Variants in MAPK10 observed in about 807,000 individuals in gnomAD.
MAPK10 encodes JNK3 alpha protein kinase.
In MAPK10, 25 loss-of-function variants were observed where a neutral mutation model predicts 59.3. That is an observed-to-expected ratio of 0.42 (90% CI 0.31 to 0.59). MAPK10 has a LOEUF of 0.59. MAPK10 is among the 20% of genes least tolerant of loss of function. The pLI, the probability that MAPK10 is intolerant of heterozygous loss-of-function variation, is 0.15. For missense variants in MAPK10, 351 were observed against 568.9 expected, an observed-to-expected ratio of 0.62 and a Z score of 3.90; for synonymous variants, 190 against 200.5, an observed-to-expected ratio of 0.95 and a Z score of 0.44.
chr4:86,076,762 A>T (rs182227013), intron 9 of MAPK10, among the ~76,000 whole-genome samples: 2 of 152,320 alleles, frequency 1.3e-5, no homozygotes, highest in East Asian at 3.9e-4. Flanking sequence ...TACATAAAAT[A>T]TTAACTAGAT....
intron 1 of MAPK10, among the ~76,000 whole-genome samples, chr4:86,580,084 A>C (rs1179704701): frequency 6.6e-6 from 1 of 152,150 alleles, no homozygotes; most frequent in Non-Finnish European, 1.5e-5. Context: ...TGGGATTACC[A>C]GTGTGAGACA....
intron 1 of MAPK10, among the ~76,000 whole-genome samples, chr4:86,592,745 T>A (rs529359134): frequency 4.6e-5 from 7 of 152,342 alleles, no homozygotes; most frequent in African/African-American, 1.7e-4. Context: ...CTGTTTAGTT[T>A]TTGTTGTTCC....
intron 1 of MAPK10, among the ~76,000 whole-genome samples, chr4:86,428,450 T>C (rs761347931): frequency 3.9e-5 from 6 of 152,226 alleles, no homozygotes; most frequent in Non-Finnish European, 7.3e-5. Flanking sequence ...TGAGCCATCA[T>C]ACCTGGCCGT....
Position 86,055,139 on chromosome 4 carries a change from A to G in MAPK10, c.1110+9127T>C, listed in dbSNP as rs3775176. On this transcript the variant is annotated intron_variant, in intron 11 of 13. Coordinates refer to ENST00000641462, the MANE Select transcript of MAPK10 (RefSeq NM_138982.4). Reference sequence around the variant, plus strand: ...ACACAGATTATAGACCAAACTGGTGATGGGCACTTGGGAAATACTTGGACT... The same window carrying G: ...ACACAGATTATAGACCAAACTGGTGGTGGGCACTTGGGAAATACTTGGACT... 6.3e-3 allele frequency among the ~76,000 whole-genome samples: 964 copies of G among 152,326 alleles called. 32 individuals are homozygous for G. The East Asian group carries it at 0.1, about 16-fold the overall frequency.
intron 1 of MAPK10, among the ~76,000 whole-genome samples, chr4:86,413,884 A>G (rs1745520708): frequency 6.6e-6 from 1 of 152,136 alleles, no homozygotes; most frequent in African/African-American, 2.4e-5. Context: ...AGGTGAGGCA[A>G]TGCCCTGCCC....
rs1229143225 is a variant in MAPK10 at position 86,439,792 on chromosome 4, T to A, written c.-122+13238A>T. Among the ~76,000 whole-genome samples the A allele has an allele frequency of 3.9e-5, 6 of 152,190 alleles. No homozygotes were observed. The East Asian group carries it at 1.2e-3, about 29-fold the overall frequency. Reference sequence around the variant, plus strand: ...TTTGTTTGTTTCTTGTTTTTTGTTTTAGCCAATCCAATAGGTGTCTAGTAC... The same window carrying A: ...TTTGTTTGTTTCTTGTTTTTTGTTTAAGCCAATCCAATAGGTGTCTAGTAC... On this transcript the variant is annotated intron_variant, in intron 1 of 13. Transcript: ENST00000361569.
intron 2 of MAPK10, among the ~76,000 whole-genome samples, chr4:86,341,385 T>A (rs890357899): frequency 6.6e-6 from 1 of 152,150 alleles, no homozygotes; most frequent in Non-Finnish European, 1.5e-5. Context: ...TTAAGAGACA[T>A]GATCAATAGC....
At chr4:86,242,527 TC>T (rs1461483287) in intron 2 of MAPK10, among the ~76,000 whole-genome samples, 1 of 152,116 alleles carries the variant, frequency 6.6e-6, no homozygotes, top group African/African-American at 2.4e-5. Context: ...CCAAATTCTG[TC>T]CCTGAGCCTC....
chr4:86,208,883 G>A (rs2084967543), intron 2 of MAPK10, among the ~76,000 whole-genome samples: 1 of 151,982 alleles, frequency 6.6e-6, no homozygotes, highest in Non-Finnish European at 1.5e-5. Context: ...AAGAATTTCT[G>A]GTGACAAATC....
chr4:86,177,074 A>C (rs2075854281), intron 3 of MAPK10, among the ~76,000 whole-genome samples: 1 of 152,094 alleles, frequency 6.6e-6, no homozygotes. Flanking sequence ...TACATGAAAA[A>C]CTAAAATAGT....
intron 2 of MAPK10, among the ~76,000 whole-genome samples, chr4:86,197,822 C>A (rs932065807): frequency 6.6e-6 from 1 of 151,988 alleles, no homozygotes; most frequent in Admixed American, 6.6e-5. Flanking sequence ...TGCCTAGCGC[C>A]GGCAAGGGAA....
chr4:86,550,968 G>T (rs1759729622), intron 1 of MAPK10, among the ~76,000 whole-genome samples: 1 of 152,156 alleles, frequency 6.6e-6, no homozygotes, highest in Non-Finnish European at 1.5e-5. Flanking sequence ...TACATCACTT[G>T]GGCACACATT....
chr4:86,296,175 CAAAAA>C (rs34854999), intron 2 of MAPK10, among the ~76,000 whole-genome samples: 3 of 116,270 alleles, frequency 2.6e-5, no homozygotes, highest in Non-Finnish European at 5.5e-5. Flanking sequence ...GACTTGGTCT[CAAAAA>C]AAAAAAAAAA....
At chr4:86,496,064 T>A (rs1287033876) in intron 1 of MAPK10, among the ~76,000 whole-genome samples, 18 of 152,130 alleles carry the variant, frequency 1.2e-4, no homozygotes, top group Admixed American at 1.2e-3. Flanking sequence ...GAAAACAACA[T>A]ACACACTCCA....
intron 2 of MAPK10, among the ~76,000 whole-genome samples, chr4:86,338,510 G>A (rs1487488823): frequency 6.6e-6 from 1 of 152,160 alleles, no homozygotes; most frequent in Non-Finnish European, 1.5e-5. Context: ...TTTGGGGCAT[G>A]CTCTTGTGGG....
chr4:86,086,070 G>C (rs1375530641), intron 9 of MAPK10, among the ~76,000 whole-genome samples: 1 of 151,988 alleles, frequency 6.6e-6, no homozygotes, highest in Non-Finnish European at 1.5e-5. Flanking sequence ...ATGCATGCTG[G>C]GCTTAATACC....
intron 2 of MAPK10, among the ~76,000 whole-genome samples, chr4:86,336,010 T>A (rs953328657): frequency 6.6e-6 from 1 of 152,164 alleles, no homozygotes; most frequent in African/African-American, 2.4e-5. Context: ...ATTCATATAA[T>A]GTCAGAGATG....
chr4:86,410,564 T>C (rs1268475576), intron 1 of MAPK10, among the ~76,000 whole-genome samples: 1 of 152,200 alleles, frequency 6.6e-6, no homozygotes, highest in Non-Finnish European at 1.5e-5. Flanking sequence ...CTATTAATTA[T>C]TGCATCAGTT....
chr4:86,167,188 A>G (rs2149248184), intron 3 of MAPK10, among the ~76,000 whole-genome samples: 1 of 152,344 alleles, frequency 6.6e-6, no homozygotes, highest in East Asian at 1.9e-4. Context: ...ATCCTTGAAT[A>G]GACCAATACC....
Sources: gnomAD v4.1 joint callset for allele counts (sites outside exome capture counted in the v4.1 genomes callset) on GRCh38, gnomAD v4.1.1 for gene constraint, MANE v1.5 for transcripts, NCBI Gene and HGNC (gene_info 2026-07-23, HGNC 2026-07-21) for gene names.